Variants in CSMD1 observed in about 807,000 individuals in gnomAD.
CSMD1 encodes CUB and sushi domain-containing protein 1.
Under a neutral mutation model 417.5 loss-of-function variants are expected in CSMD1, and 213 were observed. The observed-to-expected ratio is 0.51, with a 90% CI of 0.46 to 0.57. The LOEUF is 0.57. Among genes scored for constraint, CSMD1 ranks in the 20% least tolerant of loss-of-function variants. CSMD1 has a pLI of 0.00. For missense variants in CSMD1, 6,923 were observed against 4,529.7 expected (o/e 1.53, Z -15.17); for synonymous variants, 2,862 against 1,736.8 (o/e 1.65, Z -16.11).
chr8:4,835,601 A>G (rs1044198558), intron 1 of CSMD1, among the ~76,000 whole-genome samples: 2 of 152,186 alleles, frequency 1.3e-5, no homozygotes, highest in Non-Finnish European at 2.9e-5. Flanking sequence ...TTTTATCTAC[A>G]TTTTGCATAT....
intron 1 of CSMD1, among the ~76,000 whole-genome samples, chr8:4,988,765 C>G (rs561304311): frequency 2.6e-5 from 4 of 152,210 alleles, no homozygotes; most frequent in Non-Finnish European, 5.9e-5. Context: ...AAGAAAATTG[C>G]AACTGAGCTC....
At chr8:4,925,617 G>T (rs1320056608) in intron 1 of CSMD1, among the ~76,000 whole-genome samples, 1 of 151,458 alleles carries the variant, frequency 6.6e-6, no homozygotes, top group African/African-American at 2.4e-5. Context: ...TGCAGTCTCG[G>T]CTCACTGCAA....
chr8:3,713,204 T>C (rs532582982), intron 6 of CSMD1, among the ~76,000 whole-genome samples: 16 of 152,214 alleles, frequency 1.1e-4, no homozygotes, highest in Non-Finnish European at 1.6e-4. Context: ...AATTTTGTTG[T>C]GTCATTTACT....
chr8:3,167,189 G>A (rs907530104), intron 37 of CSMD1, among the ~76,000 whole-genome samples: 3 of 151,804 alleles, frequency 2.0e-5, no homozygotes, highest in African/African-American at 7.3e-5. Context: ...GGAGGCTGAG[G>A]CAGGAGAAGT....
intron 10 of CSMD1, among the ~76,000 whole-genome samples, chr8:3,526,880 T>G (rs970737400): frequency 2.0e-5 from 3 of 152,200 alleles, no homozygotes; most frequent in African/African-American, 7.2e-5. Flanking sequence ...AGAGGTAAAG[T>G]GCTAGTAATT....
intron 26 of CSMD1, among the ~76,000 whole-genome samples, chr8:3,282,862 G>GTGA (rs1802842739): frequency 6.6e-6 from 1 of 152,148 alleles, no homozygotes; most frequent in Non-Finnish European, 1.5e-5. Flanking sequence ...TGACTTGTCA[G>GTGA]TGAGCTGCCA....
chr8:4,005,329 C>G (rs886801890), intron 4 of CSMD1, among the ~76,000 whole-genome samples: 3 of 152,124 alleles, frequency 2.0e-5, no homozygotes, highest in Non-Finnish European at 4.4e-5. Flanking sequence ...TACAGACATT[C>G]ATTGTACTTG....
chr8:3,767,183 C>T (rs1367386170), intron 5 of CSMD1, among the ~76,000 whole-genome samples: 2 of 152,216 alleles, frequency 1.3e-5, no homozygotes, highest in East Asian at 3.9e-4. Flanking sequence ...GTCACGCTGC[C>T]ATCGTAGAAA....
intron 52 of CSMD1, among the ~76,000 whole-genome samples, chr8:3,013,194 T>A (rs190663891): frequency 1.3e-5 from 2 of 152,336 alleles, no homozygotes; most frequent in Admixed American, 1.3e-4. Flanking sequence ...GCACATATGA[T>A]GTCTGCATCA....
chr8:3,859,819 G>A (rs935259479), intron 5 of CSMD1, among the ~76,000 whole-genome samples: 4 of 152,188 alleles, frequency 2.6e-5, no homozygotes, highest in African/African-American at 9.6e-5. Flanking sequence ...GCAGGGAACA[G>A]GCAGGAGAAG....
At chr8:4,181,354 C>T (rs1195689638) in intron 3 of CSMD1, among the ~76,000 whole-genome samples, 1 of 145,662 alleles carries the variant, frequency 6.9e-6, no homozygotes, top group African/African-American at 2.6e-5. Flanking sequence ...TACGGTTTCT[C>T]ATTTATTTAT....
chr8:4,069,058 T>G (rs765269148), intron 3 of CSMD1, among the ~76,000 whole-genome samples: 11 of 152,250 alleles, frequency 7.2e-5, no homozygotes, highest in Non-Finnish European at 1.5e-4. Context: ...ATAGACTATT[T>G]ACTCCTTCTT....
At chr8:3,617,997 G>A (rs780637136) in intron 7 of CSMD1, among the ~76,000 whole-genome samples, 2 of 152,052 alleles carry the variant, frequency 1.3e-5, no homozygotes, top group African/African-American at 2.4e-5. Context: ...ATCATATCAA[G>A]TTTAGCTTAG....
chr8:3,645,738 T>C (rs937309442), intron 7 of CSMD1, among the ~76,000 whole-genome samples: 2 of 152,186 alleles, frequency 1.3e-5, no homozygotes, highest in East Asian at 3.9e-4. Context: ...TGCTGGCATC[T>C]GGAGGCAAAA....
At chr8:3,460,898 G>C (rs1276211081) in intron 12 of CSMD1, among the ~76,000 whole-genome samples, 2 of 152,192 alleles carry the variant, frequency 1.3e-5, no homozygotes, top group Non-Finnish European at 1.5e-5. Context: ...CAGGAAGGCA[G>C]ACATGACCAC....
At chr8:4,047,893 T>G (rs139192986) in intron 3 of CSMD1, among the ~76,000 whole-genome samples, 21 of 152,166 alleles carry the variant, frequency 1.4e-4, no homozygotes, top group African/African-American at 4.6e-4. Flanking sequence ...ACTGAGCCTT[T>G]AGTTTGATTT....
At chr8:4,743,231 C>T (rs1173605155) in intron 1 of CSMD1, among the ~76,000 whole-genome samples, 1 of 152,038 alleles carries the variant, frequency 6.6e-6, no homozygotes, top group East Asian at 1.9e-4. Context: ...TTATTTTAGA[C>T]ATAATCTATT....
At chr8:4,691,321 A>T (rs1462692661) in intron 1 of CSMD1, among the ~76,000 whole-genome samples, 2 of 152,118 alleles carry the variant, frequency 1.3e-5, no homozygotes, top group Non-Finnish European at 2.9e-5. Flanking sequence ...TTCTTTCCTG[A>T]TAACCTCTAC....
At chr8:3,938,385 A>G (rs1362227141) in intron 5 of CSMD1, among the ~76,000 whole-genome samples, 1 of 152,192 alleles carries the variant, frequency 6.6e-6, no homozygotes. Flanking sequence ...GCTGAATGCA[A>G]TCGGTGGTAG....
Sources: gnomAD v4.1 joint callset for allele counts (sites outside exome capture counted in the v4.1 genomes callset) on GRCh38, gnomAD v4.1.1 for gene constraint, MANE v1.5 for transcripts, NCBI Gene and HGNC (gene_info 2026-07-23, HGNC 2026-07-21) for gene names.